Variants in BCLAF3 observed in about 807,000 individuals in gnomAD.
BCLAF3 encodes the protein transient octamer binding factor 1.
In BCLAF3, 24 loss-of-function variants were observed where a neutral mutation model predicts 51.2. That is an observed-to-expected ratio of 0.47 (90% CI 0.34 to 0.66). The LOEUF is 0.66. Among genes scored for constraint, BCLAF3 ranks in the 30% least tolerant of loss-of-function variants. The pLI, the probability that BCLAF3 is intolerant of heterozygous loss-of-function variation, is 0.01. For synonymous variants in BCLAF3, 152 were observed against 176.6 expected, an observed-to-expected ratio of 0.86 and a Z score of 1.10; for missense variants, 465 against 525.1, an observed-to-expected ratio of 0.89 and a Z score of 1.12.
At chrX:19,985,237 A>G (rs1216485526) in intron 1 of BCLAF3, 1 of 111,613 alleles carries the variant, frequency 9.0e-6, no homozygotes, top group Non-Finnish European at 1.9e-5. Flanking sequence ...ATTATTAGTA[A>G]AAATGAAAGA....
rs1337921968 is a variant in BCLAF3, at chrX:19,937,422, T to C, written c.1856A>G (p.Tyr619Cys). The change falls in exon 9 of 12, where the codon TAC (tyrosine) becomes TGC (cysteine). Residue 619 changes from tyrosine to cysteine, a missense_variant. Transcript: ENST00000379682. The part of the protein sequence containing the change: ...SNFRKCIEKP[Y>C]MNYTTQRKDI... ...ATTTTGGAACTGCAATCTTACCATG[T>C]AAGGTTTTTCAATACATTTTCTAAA... 45 of 1,100,185 alleles carry C rather than the reference T, an allele frequency of 4.1e-5. No homozygotes were observed. The highest frequency in any genetic ancestry group is 5.1e-5 in the Non-Finnish European group (41 of 799,831). 90.7% of individuals were successfully genotyped at this position (1,100,185 alleles called of 1,213,427 possible).
At chrX:19,984,613 CAGAA>C (rs759503714) in intron 1 of BCLAF3, among the ~76,000 whole-genome samples, 2 of 111,593 alleles carry the variant, frequency 1.8e-5, no homozygotes, top group Admixed American at 9.5e-5. Flanking sequence ...ATTTAAAAAA[CAGAA>C]AGCCTCTTCC....
At chrX:19,925,863 T>C (rs1264278283) in intron 11 of BCLAF3, among the ~76,000 whole-genome samples, 1 of 111,873 alleles carries the variant, frequency 8.9e-6, no homozygotes, top group Admixed American at 9.5e-5. Context: ...AAAGGCCAAG[T>C]TAGTCTCAGG....
rs1326150195 is a variant in BCLAF3 at position 19,914,648 on chromosome X, T to C, written c.*2657A>G. 1 of 111,725 alleles carries C rather than the reference T, an allele frequency of 9.0e-6. No individual in the cohort carries two copies. Among genetic ancestry groups the C allele is most frequent in the Non-Finnish European group, 1.9e-5 (1 of 53,200 alleles). 9.2% of individuals were successfully genotyped at this position (111,725 alleles called of 1,213,427 possible). On this transcript the variant is annotated 3_prime_UTR_variant, in exon 12 of 12. Transcript: ENST00000379682. ...GAAAATGTATCATCTAAAATATTTATAATAGTGTTCTCTGTGATAAGACTA... is the reference window on the plus strand; with the variant it reads ...GAAAATGTATCATCTAAAATATTTACAATAGTGTTCTCTGTGATAAGACTA...
intron 4 of BCLAF3, among the ~76,000 whole-genome samples, chrX:19,959,328 C>T (rs1183944426): frequency 9.0e-6 from 1 of 111,377 alleles, no homozygotes; most frequent in Non-Finnish European, 1.9e-5. Flanking sequence ...GGAACCTAAT[C>T]GTATGCAGCT....
intron 8 of BCLAF3, among the ~76,000 whole-genome samples, chrX:19,940,405 C>T (rs1413983429): frequency 3.6e-4 from 40 of 110,338 alleles, no homozygotes; most frequent in African/African-American, 1.2e-3. Flanking sequence ...TTAGGTATAT[C>T]TCCCAATGCT....
chrX:19,953,228 T>A (rs1025871947), intron 6 of BCLAF3, among the ~76,000 whole-genome samples, 177 bp from the exon 7 acceptor site: 1 of 111,713 alleles, frequency 9.0e-6, no homozygotes, highest in Non-Finnish European at 1.9e-5. Context: ...ACATATCCTG[T>A]GGAACACACT....
chrX:19,965,272 C>T lies in BCLAF3; in HGVS notation c.1046G>A (p.Ser349Asn), dbSNP rs780717866. 50 of 1,208,773 alleles carry T rather than the reference C, an allele frequency of 4.1e-5. No individual in the cohort carries two copies. The highest frequency in any genetic ancestry group is 5.6e-5 in the Non-Finnish European group (50 of 894,772). The change falls in exon 4 of 12, where the codon AGC (serine) becomes AAC (asparagine). Residue 349 changes from serine (S) to asparagine (N), a missense_variant. Ser to Asn is a conservative substitution (Grantham distance 46). Transcript: ENST00000379682. ...KEPFKPSKKD[S>N]IACTYSNKND... ...TTTATTTGAATAAGTACAGGCAATG[C>T]TGTCTTTCTTAGACGGTTTAAAAGG... is the stretch of plus-strand genomic sequence containing the variant.
At position 19,917,250 on chromosome X, in the gene BCLAF3, A is replaced by AC; in HGVS notation, c.*54_*55insG. 1 of 1,089,162 alleles carries AC rather than the reference A, an allele frequency of 9.2e-7. No homozygotes were observed. Among genetic ancestry groups the AC allele is most frequent in the Non-Finnish European group, 1.3e-6 (1 of 786,185 alleles). 89.8% of individuals were successfully genotyped at this position (1,089,162 alleles called of 1,213,427 possible). A position where few individuals can be genotyped will look rare whatever the true frequency, so the allele number is the denominator to read the frequency against. On this transcript the variant is annotated 3_prime_UTR_variant, in exon 12 of 12. Transcript: ENST00000379682. ...CACTTCTAACTCCTGACAAAAAGAG[A>AC]GAGATGCTCCCAAACATCCTCCTGT...
intron 1 of BCLAF3, among the ~76,000 whole-genome samples, chrX:19,984,513 A>C (rs1280952493): frequency 9.0e-6 from 1 of 111,157 alleles, no homozygotes; most frequent in Non-Finnish European, 1.9e-5. Flanking sequence ...TTAGGTCACA[A>C]AGAAAAAATA....
chrX:19,956,985 C>T (rs1170011727), intron 4 of BCLAF3, among the ~76,000 whole-genome samples: 2 of 111,883 alleles, frequency 1.8e-5, no homozygotes, highest in East Asian at 5.6e-4. Context: ...GAGGGGCTTA[C>T]AGATATTCTT....
intron 4 of BCLAF3, among the ~76,000 whole-genome samples, chrX:19,963,454 G>T (rs2071933957): frequency 9.0e-6 from 1 of 111,003 alleles, no homozygotes; most frequent in Admixed American, 9.6e-5. Context: ...TATGTAAAAA[G>T]ATGCAAAATT....
rs1266765712 is a variant in BCLAF3, at chrX:19,915,318, G to A, written c.*1987C>T. On this transcript the variant is annotated 3_prime_UTR_variant, in exon 12 of 12. Transcript: ENST00000379682. The stretch of plus-strand genomic sequence containing the variant: ...ACTCTTACCACACGTCAAATAGGAA[G>A]CTGGGTGCTGGGGATACTATGGTGG... 9.0e-6 allele frequency: 1 copy of A among 111,651 alleles called. No individual in the cohort carries two copies. The allele number at this position is 111,651 out of a possible 1,213,427, so 9.2% of individuals were successfully genotyped here. A position where few individuals can be genotyped will look rare whatever the true frequency, so the allele number is the denominator to read the frequency against.
At chrX:19,935,764 G>T in intron 10 of BCLAF3, 45 bp downstream of exon 10, 2 of 1,042,749 alleles carry the variant, frequency 1.9e-6, no homozygotes, top group Non-Finnish European at 2.7e-6. Flanking sequence ...TGTGTCCAAA[G>T]CATAAAACCA....
intron 1 of BCLAF3, among the ~76,000 whole-genome samples, chrX:19,976,573 T>C (rs986734691): frequency 9.0e-6 from 1 of 111,034 alleles, no homozygotes; most frequent in Non-Finnish European, 1.9e-5. Context: ...GTATTTTTAG[T>C]AGAGACGAGG....
At chrX:19,980,655 TG>T (rs1218007412) in intron 1 of BCLAF3, among the ~76,000 whole-genome samples, 5 of 111,658 alleles carry the variant, frequency 4.5e-5, no homozygotes, top group African/African-American at 1.6e-4. Flanking sequence ...TGCTACACAT[TG>T]GCTGGGCGTG....
intron 8 of BCLAF3, among the ~76,000 whole-genome samples, 184 bp from the exon 9 acceptor site, chrX:19,937,716 C>T (rs2070825578): frequency 8.9e-6 from 1 of 112,178 alleles, no homozygotes; most frequent in Non-Finnish European, 1.9e-5. Context: ...CCTCATTTTC[C>T]AACAAATGTT....
chrX:19,981,558 G>A (rs1228685530), intron 1 of BCLAF3, among the ~76,000 whole-genome samples: 2 of 111,846 alleles, frequency 1.8e-5, no homozygotes, highest in Non-Finnish European at 3.8e-5. Flanking sequence ...GTTACTGTAT[G>A]ACCCAACTAT....
At chrX:19,988,701 A>C (rs2148078399) in intron 1 of BCLAF3, among the ~76,000 whole-genome samples, 1 of 112,555 alleles carries the variant, frequency 8.9e-6, no homozygotes, top group South Asian at 3.6e-4. Flanking sequence ...ACTGACCCTT[A>C]AAATAATCCT....
Sources: allele counts gnomAD v4.1 joint callset (sites outside exome capture counted in the v4.1 genomes callset), GRCh38; gene constraint gnomAD v4.1.1; transcripts MANE v1.5; gene names NCBI Gene and HGNC (gene_info 2026-07-23, HGNC 2026-07-21).